CNTN6: variants seen among roughly 807,000 people sequenced by gnomAD.
CNTN6 encodes the protein contactin 6, also known as contactin-6.
In CNTN6, 137 loss-of-function variants were observed where a neutral mutation model predicts 122.8. The observed-to-expected ratio is 1.12, with a 90% CI of 0.97 to 1.29. The LOEUF (loss-of-function observed/expected upper bound fraction) is 1.29, where lower values mean the gene tolerates loss of function less well. CNTN6 is among the 50% of genes most tolerant of loss of function. The probability of loss-of-function intolerance (pLI) is 0.00; values close to 1 mark genes in which losing one functional copy is unlikely to be tolerated. For synonymous variants in CNTN6, 570 were observed against 426.0 expected, an observed-to-expected ratio of 1.34 and a Z score of -4.16; for missense variants, 1,634 against 1,223.4, an observed-to-expected ratio of 1.34 and a Z score of -5.01.
rs907526947 is a variant in CNTN6 at position 1,325,832 on chromosome 3, C to G, written c.964C>G (p.Gln322Glu). The change falls in exon 9 of 23, where the codon CAG becomes GAG. Residue 322 changes from glutamine to glutamate, a missense_variant. Transcript: ENST00000446702. ...TGAAACAGCTCCTCCAGAATGGGAA[C>G]AGAAAATCCAAAATACACACCTCTC... ...LIFYAPPEWE[Q>E]KIQNTHLSIY... The G allele has an allele frequency of 5.6e-6, 9 of 1,609,948 alleles. No individual in the cohort carries two copies. The African/African-American group carries it at 1.2e-4, about 22-fold the overall frequency.
At chr3:1,376,959 C>A (rs116612340) in intron 16 of CNTN6, 46 bp from the exon 17 acceptor site, 3 of 1,280,214 alleles carry the variant, frequency 2.3e-6, no homozygotes, top group African/African-American at 1.5e-5. Flanking sequence ...CTGATGAAGA[C>A]GTACTTTAAT....
intron 5 of CNTN6, 97 bp downstream of exon 5, chr3:1,278,605 A>G: frequency 1.4e-6 from 1 of 722,130 alleles, no homozygotes; most frequent in Non-Finnish European, 2.3e-6. Context: ...CTTTTATCAA[A>G]TCAAAGAAAT....
intron 2 of CNTN6, among the ~76,000 whole-genome samples, chr3:1,212,252 G>GTTTT (rs74499004): frequency 0.066 from 7,818 of 118,248 alleles, 382 homozygotes; most frequent in Non-Finnish European, 0.1. Context: ...AATAAAACTT[G>GTTTT]TTTTTTTTTT....
chr3:1,317,864 T>C (rs1240347288), intron 7 of CNTN6, among the ~76,000 whole-genome samples: 1 of 149,532 alleles, frequency 6.7e-6, no homozygotes, highest in African/African-American at 2.5e-5. Context: ...GATTGGGCTT[T>C]GTAAGGAAAA....
At position 1,382,929 on chromosome 3, in the gene CNTN6, C is replaced by G. The variant is rs768420214; in HGVS notation, c.2167-13C>G. 2 of 1,588,508 alleles carry G rather than the reference C, an allele frequency of 1.3e-6. No homozygotes were observed. Among genetic ancestry groups the G allele is most frequent in the African/African-American group, 2.7e-5 (2 of 74,412 alleles). On this transcript the variant is annotated splice_polypyrimidine_tract_variant and intron_variant, in intron 17 of 22. Coordinates refer to ENST00000446702, the MANE Select transcript of CNTN6 (RefSeq NM_001289080.2). ...TTTGCAAATACTCAGTGATTGATCA[C>G]ATTCTGCCCAAGTCAATTCCAGAAG... is the stretch of plus-strand genomic sequence containing the variant.
At position 1,225,817 on chromosome 3, in the gene CNTN6, G is replaced by C. The variant is rs529280775; in HGVS notation, c.183-2001G>C. 1.9e-3 allele frequency among the ~76,000 whole-genome samples: 290 copies of C among 151,026 alleles called. 3 individuals carry two copies. Among genetic ancestry groups the C allele is most frequent in the Admixed American group, 3.2e-3 (49 of 15,104 alleles). ...GGCAAATGAAATGTACTCTTTAACT[G>C]CTGTCTTTCAACTTCCAGGTGTGCA... On this transcript the variant is annotated intron_variant, in intron 3 of 22. Coordinates refer to ENST00000446702, the MANE Select transcript of CNTN6 (RefSeq NM_001289080.2).
In CNTN6 at chr3:1,383,365, C is replaced by T. The variant is rs1692239213; in HGVS notation, c.2474C>T (p.Ala825Val). The T allele has an allele frequency of 6.2e-7, 1 of 1,613,994 alleles. No individual in the cohort carries two copies. The highest frequency in any genetic ancestry group is 8.5e-7 in the Non-Finnish European group (1 of 1,179,880). ...SASEMEVSWN[A>V]IAWNRNTGRV... Reference sequence around the variant, plus strand: ...TCTGAAATGGAGGTTTCATGGAATGCTATTGCCTGGAATAGAAACACTGGA... The same window carrying T: ...TCTGAAATGGAGGTTTCATGGAATGTTATTGCCTGGAATAGAAACACTGGA... The change falls in exon 19 of 23, where the codon GCT becomes GTT. Residue 825 changes from alanine to valine, a missense_variant. Transcript: ENST00000446702.
intron 1 of CNTN6, among the ~76,000 whole-genome samples, chr3:1,144,609 A>G (rs577795509): frequency 1.3e-5 from 2 of 151,884 alleles, no homozygotes; most frequent in Non-Finnish European, 2.9e-5. Flanking sequence ...AATAAAAAAT[A>G]AAAAAAGAAT....
In CNTN6 at chr3:1,374,150, G is replaced by A; in HGVS notation, c.2095+77G>A. 4 of 1,435,350 alleles carry A rather than the reference G, an allele frequency of 2.8e-6. No individual in the cohort carries two copies. In the South Asian group the frequency reaches 5.7e-5, roughly 21 times the overall value. 88.9% of individuals were successfully genotyped at this position (1,435,350 alleles called of 1,614,324 possible). ...CTTAAAACAAAACAAGTATTTTTAT[G>A]TGTCTTCTAATACTTTTGGCTCAAA... On this transcript the variant is annotated intron_variant, in intron 16 of 22. Coordinates refer to ENST00000446702, the MANE Select transcript of CNTN6 (RefSeq NM_001289080.2).
intron 9 of CNTN6, among the ~76,000 whole-genome samples, chr3:1,327,123 A>G (rs898275225): frequency 1.8e-4 from 28 of 151,908 alleles, no homozygotes; most frequent in African/African-American, 6.5e-4. Context: ...GTCTAACATT[A>G]TTGTTAACCG....
chr3:1,168,199 C>T (rs1007930184), intron 2 of CNTN6, among the ~76,000 whole-genome samples: 2 of 151,872 alleles, frequency 1.3e-5, no homozygotes, highest in Admixed American at 6.6e-5. Context: ...TGACACATCG[C>T]GCCCGGCCTG....
intron 16 of CNTN6, among the ~76,000 whole-genome samples, chr3:1,376,531 T>C (rs1709892983): frequency 6.6e-6 from 1 of 152,158 alleles, no homozygotes; most frequent in African/African-American, 2.4e-5. Context: ...AACAAGAATA[T>C]TTATTTACAT....
At chr3:1,181,808 A>C (rs1030182671) in intron 2 of CNTN6, among the ~76,000 whole-genome samples, 4 of 152,128 alleles carry the variant, frequency 2.6e-5, no homozygotes, top group African/African-American at 9.7e-5. Flanking sequence ...AGTCAGGCTG[A>C]TTCTTTATAA....
Position 1,390,054 on chromosome 3 carries a change from G to C in CNTN6, c.2704+4257G>C, listed in dbSNP as rs535777695. Among the ~76,000 whole-genome samples the C allele has an allele frequency of 9.9e-5, 15 of 152,042 alleles. No homozygotes were observed. In the South Asian group the frequency reaches 3.1e-3, roughly 32 times the overall value. On this transcript the variant is annotated intron_variant, in intron 20 of 22. Coordinates refer to ENST00000446702, the MANE Select transcript of CNTN6 (RefSeq NM_001289080.2). ...GGAATTGAACTCAGCTCTGCACCAA[G>C]TGGACCTAATAGACATCTACAGAAC... is the stretch of plus-strand genomic sequence containing the variant.
intron 4 of CNTN6, among the ~76,000 whole-genome samples, chr3:1,275,591 C>T (rs1369549410): frequency 6.6e-6 from 1 of 152,130 alleles, no homozygotes; most frequent in Non-Finnish European, 1.5e-5. Context: ...ATACCTATGA[C>T]TTCAAATATG....
intron 2 of CNTN6, among the ~76,000 whole-genome samples, chr3:1,150,682 C>A (rs1450073754): frequency 6.6e-6 from 1 of 152,112 alleles, no homozygotes; most frequent in Admixed American, 6.5e-5. Context: ...TTAACTGTTT[C>A]ATTGATATGC....
At chr3:1,245,276 CACACACATATATATATAACATATAT>C (rs2094558414) in intron 4 of CNTN6, among the ~76,000 whole-genome samples, 2 of 7,086 alleles carry the variant, frequency 2.8e-4, no homozygotes, top group Non-Finnish European at 6.1e-4. Flanking sequence ...TATATATATA[CACACACATATATATATAACATATAT>C]ATATATATAT....
chr3:1,267,492 C>T (rs184346914), intron 4 of CNTN6, among the ~76,000 whole-genome samples: 3 of 152,184 alleles, frequency 2.0e-5, no homozygotes, highest in African/African-American at 7.2e-5. Context: ...ATTAAGAGGT[C>T]CCCGGCTCCT....
At chr3:1,332,558 G>A (rs1702468670) in intron 11 of CNTN6, among the ~76,000 whole-genome samples, 2 of 151,574 alleles carry the variant, frequency 1.3e-5, no homozygotes, top group South Asian at 4.2e-4. Flanking sequence ...AAGAGAAAGA[G>A]GGGGAAAGAA....
Sources: allele counts gnomAD v4.1 joint callset (sites outside exome capture counted in the v4.1 genomes callset), GRCh38; gene constraint gnomAD v4.1.1; transcripts MANE v1.5; gene names NCBI Gene and HGNC (gene_info 2026-07-23, HGNC 2026-07-21).